The following NKAIN3 variants were observed in gnomAD, a reference collection of about 807,000 sequenced individuals.
The protein encoded by NKAIN3 is sodium/potassium-transporting ATPase subunit beta-1-interacting protein 3.
Under a neutral mutation model 30.2 loss-of-function variants are expected in NKAIN3, and 25 were observed. That is an observed-to-expected ratio of 0.83 (90% CI 0.60 to 1.16). The LOEUF (loss-of-function observed/expected upper bound fraction) is 1.16, where lower values mean the gene tolerates loss of function less well. Ranked by LOEUF, NKAIN3 falls within the 50% of genes most tolerant of loss-of-function variation. NKAIN3 has a pLI of 0.00. For synonymous variants in NKAIN3, 91 were observed against 89.6 expected (o/e 1.02, Z -0.09); for missense variants, 225 against 254.1 (o/e 0.89, Z 0.78).
chr8:62,872,168 G>A (rs758186441), intron 4 of NKAIN3, among the ~76,000 whole-genome samples: 4 of 152,146 alleles, frequency 2.6e-5, no homozygotes, highest in Non-Finnish European at 4.4e-5. Context: ...TGTATAGTTG[G>A]CAACACCATC....
At chr8:62,623,892 T>A (rs2130239825) in intron 3 of NKAIN3, among the ~76,000 whole-genome samples, 1 of 152,210 alleles carries the variant, frequency 6.6e-6, no homozygotes, top group Admixed American at 6.6e-5. Context: ...CAGTGTGAGT[T>A]ACTCAACTGA....
At chr8:62,278,168 G>A (rs564301885) in intron 1 of NKAIN3, among the ~76,000 whole-genome samples, 1 of 152,260 alleles carries the variant, frequency 6.6e-6, no homozygotes, top group Non-Finnish European at 1.5e-5. Context: ...AAAAGCTGCT[G>A]CAGGATGGAG....
chr8:62,553,457 C>T (rs7839654), intron 1 of NKAIN3, among the ~76,000 whole-genome samples: 17,765 of 151,962 alleles, frequency 0.12, 1,251 homozygotes, highest in African/African-American at 0.19. Flanking sequence ...ATTATTAAAA[C>T]CTTGCATCTT....
intron 3 of NKAIN3, among the ~76,000 whole-genome samples, chr8:62,617,605 C>T (rs1289468035): frequency 1.3e-5 from 2 of 152,156 alleles, no homozygotes; most frequent in East Asian, 3.9e-4. Context: ...CCAAAGAGTG[C>T]CCTTTCTCCT....
chr8:62,299,336 C>A (rs1228220440), intron 1 of NKAIN3, among the ~76,000 whole-genome samples: 1 of 152,118 alleles, frequency 6.6e-6, no homozygotes, highest in Non-Finnish European at 1.5e-5. Flanking sequence ...CAGATGAAAG[C>A]ACTGTCATGG....
chr8:62,957,256 C>T (rs1220890516), intron 6 of NKAIN3, among the ~76,000 whole-genome samples: 1 of 152,130 alleles, frequency 6.6e-6, no homozygotes, highest in African/African-American at 2.4e-5. Flanking sequence ...GCCTCAGCCT[C>T]CTGAGTAGCT....
chr8:62,946,580 G>A (rs1251750272), intron 5 of NKAIN3, among the ~76,000 whole-genome samples: 1 of 152,166 alleles, frequency 6.6e-6, no homozygotes, highest in Non-Finnish European at 1.5e-5. Context: ...CTCTCTGTGT[G>A]AACTAAGTTG....
chr8:62,725,355 G>C (rs1336391223), intron 3 of NKAIN3, among the ~76,000 whole-genome samples: 1 of 151,998 alleles, frequency 6.6e-6, no homozygotes, highest in Non-Finnish European at 1.5e-5. Context: ...TTCATTTGCT[G>C]TGCAGAAGCT....
At chr8:62,779,734 A>AT (rs1392669368) in intron 4 of NKAIN3, among the ~76,000 whole-genome samples, 1 of 152,180 alleles carries the variant, frequency 6.6e-6, no homozygotes, top group African/African-American at 2.4e-5. Context: ...GTATCAACAA[A>AT]TTTATAAAGT....
chr8:62,958,241 C>T (rs1417327110), intron 6 of NKAIN3, among the ~76,000 whole-genome samples: 1 of 151,838 alleles, frequency 6.6e-6, no homozygotes, highest in Admixed American at 6.6e-5. Flanking sequence ...TCGGTGAGGA[C>T]CCTAAGAGAC....
intron 4 of NKAIN3, among the ~76,000 whole-genome samples, chr8:62,755,227 G>A (rs955135887): frequency 6.6e-6 from 1 of 152,252 alleles, no homozygotes; most frequent in Middle Eastern, 3.4e-3. Context: ...CTCAAACCCT[G>A]GCAGACAATT....
At chr8:62,863,421 A>G in intron 4 of NKAIN3, 1 of 1,552,632 alleles carries the variant, frequency 6.4e-7, no homozygotes, top group Non-Finnish European at 8.7e-7. Context: ...TGTCAGTATG[A>G]GTAATCTTGG....
chr8:62,287,599 G>C (rs2129399236), intron 1 of NKAIN3, among the ~76,000 whole-genome samples: 1 of 152,156 alleles, frequency 6.6e-6, no homozygotes, highest in Admixed American at 6.6e-5. Context: ...AGAAAATCCT[G>C]ATTGTTGGAT....
chr8:62,805,577 G>A (rs1236757824), intron 4 of NKAIN3, among the ~76,000 whole-genome samples: 2 of 152,086 alleles, frequency 1.3e-5, no homozygotes, highest in African/African-American at 4.8e-5. Flanking sequence ...AATAAATGGT[G>A]CTGGGAAAAC....
chr8:62,253,107 A>G (rs1812162244), intron 1 of NKAIN3, among the ~76,000 whole-genome samples: 2 of 152,160 alleles, frequency 1.3e-5, no homozygotes, highest in South Asian at 2.1e-4. Context: ...ATTATTACCC[A>G]TGGACATTCA....
chr8:62,946,676 T>C (rs1194212774), intron 5 of NKAIN3, among the ~76,000 whole-genome samples: 1 of 152,124 alleles, frequency 6.6e-6, no homozygotes, highest in Admixed American at 6.5e-5. Context: ...CATATTTGAG[T>C]TCTTCAAATG....
In NKAIN3 at chr8:62,663,459, C is replaced by T. The variant is rs145150206; in HGVS notation, c.273+73665C>T. ...TAGGTTCGATTGACAATATAGGATG[C>T]GATAGTTTAATAAGCAGCTGAATAA... On this transcript the variant is annotated intron_variant, in intron 3 of 6. Coordinates refer to ENST00000623646, the MANE Select transcript of NKAIN3 (RefSeq NM_001304533.3). Among the ~76,000 whole-genome samples the T allele has an allele frequency of 2.3e-3, 354 of 152,170 alleles. 2 individuals carry two copies. Among genetic ancestry groups the T allele is most frequent in the Middle Eastern group, 6.8e-3 (2 of 294 alleles).
chr8:62,624,983 C>G lies in NKAIN3; in HGVS notation c.273+35189C>G, dbSNP rs548687820. On this transcript the variant is annotated intron_variant, in intron 3 of 6. Transcript: ENST00000623646. ...AGAATTTCCATTGCTCTTTTTACAT[C>G]GTCTATCTTTTCTTGCATGTTTTCT... Among the ~76,000 whole-genome samples the G allele has an allele frequency of 6.2e-4, 94 of 152,000 alleles. 1 individual carries two copies. The highest frequency in any genetic ancestry group is 2.1e-3 in the African/African-American group (88 of 41,518).
chr8:62,823,630 T>C (rs1160944131), intron 4 of NKAIN3, among the ~76,000 whole-genome samples: 1 of 152,180 alleles, frequency 6.6e-6, no homozygotes, highest in Admixed American at 6.5e-5. Flanking sequence ...CTGGCACAAA[T>C]CTACCTTTCC....
Sources: gnomAD v4.1 joint callset for allele counts (sites outside exome capture counted in the v4.1 genomes callset) on GRCh38, gnomAD v4.1.1 for gene constraint, MANE v1.5 for transcripts, NCBI Gene and HGNC (gene_info 2026-07-23, HGNC 2026-07-21) for gene names.